The following PLAC8L1 variants were observed in gnomAD, a reference collection of about 807,000 sequenced individuals.
PLAC8L1 encodes PLAC8-like protein 1.
A neutral mutation model predicts 16.3 loss-of-function variants in PLAC8L1; 13 were observed. The ratio of observed to expected loss-of-function variants is 0.80; its 90% CI spans 0.52 to 1.27. PLAC8L1 has a LOEUF of 1.27. Ranked by LOEUF, PLAC8L1 falls within the 50% of genes most tolerant of loss-of-function variation. The pLI, the probability that PLAC8L1 is intolerant of heterozygous loss-of-function variation, is 0.00. For synonymous variants in PLAC8L1, 78 were observed against 79.3 expected, an observed-to-expected ratio of 0.98 and a Z score of 0.09; for missense variants, 184 against 220.2, an observed-to-expected ratio of 0.84 and a Z score of 1.04.
At chr5:146,092,121 G>A (rs1157478185) in intron 2 of PLAC8L1, among the ~76,000 whole-genome samples, 1 of 152,156 alleles carries the variant, frequency 6.6e-6, no homozygotes, top group Non-Finnish European at 1.5e-5. Flanking sequence ...CACAAAACCA[G>A]AGTGTGGAGC....
At chr5:146,097,753 C>T (rs1763741698) in intron 2 of PLAC8L1, among the ~76,000 whole-genome samples, 1 of 152,182 alleles carries the variant, frequency 6.6e-6, no homozygotes, top group Non-Finnish European at 1.5e-5. Context: ...AATCTTTGCA[C>T]ATGATTTATT....
intron 1 of PLAC8L1, among the ~76,000 whole-genome samples, chr5:146,100,217 C>T (rs1018047472): frequency 6.6e-6 from 1 of 152,104 alleles, no homozygotes; most frequent in Non-Finnish European, 1.5e-5. Flanking sequence ...ATGTTTGGAA[C>T]ATATTTAGTC....
rs749675676 is a variant in PLAC8L1, at chr5:146,084,512, C to T, written c.454G>A (p.Val152Met). Reference protein sequence around the residue: ...HCCWAFSICQVARELKMRTSQ... With the variant: ...HCCWAFSICQMARELKMRTSQ... ...GTCCTCATCTTGAGTTCCCGGGCCACCTGGCAGATGGAAAAAGCCCAACAG... is the reference window on the plus strand; with the variant it reads ...GTCCTCATCTTGAGTTCCCGGGCCATCTGGCAGATGGAAAAAGCCCAACAG... Residue 152 changes from valine (V) to methionine (M), a missense_variant, in exon 4 of 4, where the codon GTG (valine) becomes ATG (methionine). Transcript: ENST00000311450. 27 of 1,614,180 alleles carry T rather than the reference C, an allele frequency of 1.7e-5. 1 individual carries two copies. The South Asian group carries it at 2.3e-4, about 14-fold the overall frequency.
chr5:146,101,550 T>C (rs1332600777), intron 1 of PLAC8L1, among the ~76,000 whole-genome samples: 1 of 152,232 alleles, frequency 6.6e-6, no homozygotes, highest in East Asian at 1.9e-4. Context: ...CCTCCCTGTA[T>C]ACCCACTATC....
intron 1 of PLAC8L1, chr5:146,103,772 T>A: frequency 1.0e-6 from 1 of 985,398 alleles, no homozygotes; most frequent in Non-Finnish European, 1.2e-6. Flanking sequence ...TTCTTCAGCC[T>A]GGGGTGTTAC....
chr5:146,087,479 C>T (rs1763536301), intron 2 of PLAC8L1, among the ~76,000 whole-genome samples: 1 of 152,138 alleles, frequency 6.6e-6, no homozygotes, highest in African/African-American at 2.4e-5. Flanking sequence ...TTTTAAACTC[C>T]CATCAGCAAT....
At chr5:146,086,345 T>G (rs951557358) in intron 2 of PLAC8L1, among the ~76,000 whole-genome samples, 9 of 152,208 alleles carry the variant, frequency 5.9e-5, no homozygotes, top group African/African-American at 2.2e-4. Context: ...TCTTTTATAG[T>G]ACACTAATTC....
chr5:146,102,564 C>T (rs10491259), intron 1 of PLAC8L1, among the ~76,000 whole-genome samples: 39,461 of 152,050 alleles, frequency 0.26, 5,560 homozygotes, highest in Admixed American at 0.35. Flanking sequence ...AGCTTTTCTA[C>T]ATATTACGCC....
At chr5:146,102,108 T>C (rs1580983050) in intron 1 of PLAC8L1, among the ~76,000 whole-genome samples, 1 of 147,012 alleles carries the variant, frequency 6.8e-6, no homozygotes, top group Non-Finnish European at 1.5e-5. Context: ...CAGGCTGGAG[T>C]TGAGCGGCAT....
At chr5:146,104,001 T>G (rs1763867126) in intron 1 of PLAC8L1, 192 bp downstream of exon 1, 1 of 985,326 alleles carries the variant, frequency 1.0e-6, no homozygotes, top group Non-Finnish European at 1.2e-6. Flanking sequence ...CCAGCCCTTT[T>G]CTTGTCACCA....
chr5:146,084,554 A>G lies in PLAC8L1; in HGVS notation c.412T>C (p.Trp138Arg). 1 of 1,613,880 alleles carries G rather than the reference A, an allele frequency of 6.2e-7. No homozygotes were observed. Among genetic ancestry groups the G allele is most frequent in the Non-Finnish European group, 8.5e-7 (1 of 1,180,036 alleles). Residue 138 changes from tryptophan to arginine, a missense_variant, in exon 4 of 4, where the codon TGG (tryptophan) becomes CGG (arginine). Trp to Arg is a moderately radical substitution (Grantham distance 101). Coordinates refer to ENST00000311450, the MANE Select transcript of PLAC8L1 (RefSeq NM_001029869.3). ...HKIQGTLCED[W>R]LAVHCCWAFS... ...GCCCAACAGCAGTGCACCGCCAGCC[A>G]GTCTTCACACAGTGTGCCCTAGGGC...
Position 146,104,233 on chromosome 5 carries a change from G to C in PLAC8L1, c.79C>G (p.His27Asp), listed in dbSNP as rs1763873080. ...LLNIYSPLLSHMSSEDEHFIS... is the reference protein window; with the variant it reads ...LLNIYSPLLSDMSSEDEHFIS... ...AAATGTTCATCTTCAGATGACATGT[G>C]TGACAACAGAGGTGAGTATATGTTG... The change falls in exon 1 of 4, where the codon CAC (histidine) becomes GAC (aspartate). Residue 27 changes from histidine (H) to aspartate (D), a missense_variant. Coordinates refer to ENST00000311450, the MANE Select transcript of PLAC8L1 (RefSeq NM_001029869.3). 1 of 1,613,906 alleles carries C rather than the reference G, an allele frequency of 6.2e-7. No homozygotes were observed. Among genetic ancestry groups the C allele is most frequent in the African/African-American group, 1.3e-5 (1 of 75,048 alleles).
chr5:146,094,490 A>G (rs1266786346), intron 2 of PLAC8L1, among the ~76,000 whole-genome samples: 1 of 152,226 alleles, frequency 6.6e-6, no homozygotes, highest in Non-Finnish European at 1.5e-5. Flanking sequence ...CTCAGTAAAC[A>G]TGGTTGAATC....
chr5:146,092,571 T>C (rs1763639060), intron 2 of PLAC8L1, among the ~76,000 whole-genome samples: 1 of 136,878 alleles, frequency 7.3e-6, no homozygotes, highest in Non-Finnish European at 1.5e-5. Flanking sequence ...AGACAGAGTC[T>C]CACTCTGTCA....
At chr5:146,103,394 G>A (rs1763854293) in intron 1 of PLAC8L1, among the ~76,000 whole-genome samples, 1 of 152,016 alleles carries the variant, frequency 6.6e-6, no homozygotes, top group African/African-American at 2.4e-5. Flanking sequence ...CCTGACTTCA[G>A]GTGATCTGCC....
intron 2 of PLAC8L1, among the ~76,000 whole-genome samples, chr5:146,087,660 G>A (rs1407454310): frequency 6.6e-6 from 1 of 152,150 alleles, no homozygotes; most frequent in Non-Finnish European, 1.5e-5. Flanking sequence ...CTGAGTAGTT[G>A]AGACTACAGG....
At chr5:146,098,058 T>G (rs772742561) in intron 2 of PLAC8L1, 98 bp downstream of exon 2, 2 of 1,350,980 alleles carry the variant, frequency 1.5e-6, no homozygotes, top group Non-Finnish European at 2.0e-6. Flanking sequence ...CTGAAAACAT[T>G]TAATTTCTGT....
rs571676653 is a variant in PLAC8L1 at position 146,101,017 on chromosome 5, T to A, written c.120-2725A>T. Among the ~76,000 whole-genome samples the A allele has an allele frequency of 1.1e-4, 17 of 152,062 alleles. No individual in the cohort carries two copies. In the South Asian group the frequency reaches 3.3e-3, roughly 30 times the overall value. On this transcript the variant is annotated intron_variant, in intron 1 of 3. Transcript: ENST00000311450. ...GAGCTCGAGACCAGCCTGAGCAACA[T>A]GGTGAAATCCTATCTCAACTAAAAA...
intron 1 of PLAC8L1, among the ~76,000 whole-genome samples, chr5:146,100,431 A>C (rs1473383444): frequency 9.2e-5 from 14 of 152,184 alleles, no homozygotes; most frequent in Non-Finnish European, 2.9e-5. Context: ...ATGGAAAAAA[A>C]AAATTGGCTC....
Sources: allele counts gnomAD v4.1 joint callset (sites outside exome capture counted in the v4.1 genomes callset), GRCh38; gene constraint gnomAD v4.1.1; transcripts MANE v1.5; gene names NCBI Gene and HGNC (gene_info 2026-07-23, HGNC 2026-07-21).